PSMD1: variants seen among roughly 807,000 people sequenced by gnomAD.
PSMD1 encodes the protein proteasome 26S subunit, non-ATPase 1.
Under a neutral mutation model 119.0 loss-of-function variants are expected in PSMD1, and 18 were observed. The ratio of observed to expected loss-of-function variants is 0.15; its 90% CI spans 0.10 to 0.22. The LOEUF is 0.22. PSMD1 is among the 10% of genes least tolerant of loss of function. The pLI is 1.00. For synonymous variants in PSMD1, 374 were observed against 396.6 expected (o/e 0.94, Z 0.68); for missense variants, 702 against 1,158.5 (o/e 0.61, Z 5.72).
intron 4 of PSMD1, among the ~76,000 whole-genome samples, chr2:231,064,519 T>A (rs1693848579): frequency 6.6e-6 from 1 of 152,244 alleles, no homozygotes; most frequent in Non-Finnish European, 1.5e-5. Context: ...ATGTTCTAAT[T>A]TTGAGGTTCC....
chr2:231,153,787 T>G, intron 19 of PSMD1, 121 bp downstream of exon 19: 1 of 700,250 alleles, frequency 1.4e-6, no homozygotes, highest in Non-Finnish European at 2.3e-6. Context: ...CTGGAGAAAA[T>G]TTGGAGCCTG....
At chr2:231,100,833 A>G (rs1694846707) in intron 16 of PSMD1, among the ~76,000 whole-genome samples, 2 of 152,214 alleles carry the variant, frequency 1.3e-5, no homozygotes, top group Non-Finnish European at 2.9e-5. Context: ...AGCCTGAACA[A>G]TCCCCTCGAA....
At chr2:231,080,431 G>T in intron 12 of PSMD1, 117 bp downstream of exon 12, 9 of 834,786 alleles carry the variant, frequency 1.1e-5, no homozygotes, top group South Asian at 2.7e-5. Context: ...CAAAACAACT[G>T]TCATCTTGGA....
At chr2:231,085,211 C>A in intron 15 of PSMD1, 97 bp downstream of exon 15, 1 of 970,346 alleles carries the variant, frequency 1.0e-6, no homozygotes, top group Non-Finnish European at 1.7e-6. Flanking sequence ...AGCGCATGAC[C>A]ACCACCAGTG....
At chr2:231,108,579 C>T (rs1300743615) in intron 16 of PSMD1, 2 of 1,613,836 alleles carry the variant, frequency 1.2e-6, no homozygotes, top group South Asian at 1.1e-5. Context: ...AGAAGCGTAT[C>T]TAGTAGAATG....
chr2:231,069,145 G>C (rs1275853326), intron 5 of PSMD1, among the ~76,000 whole-genome samples: 1 of 150,476 alleles, frequency 6.6e-6, no homozygotes, highest in Non-Finnish European at 1.5e-5. Flanking sequence ...AGAACAAGCA[G>C]TCAAACAAAT....
At chr2:231,158,424 G>A (rs896209331) in intron 19 of PSMD1, among the ~76,000 whole-genome samples, 5 of 152,264 alleles carry the variant, frequency 3.3e-5, no homozygotes, top group South Asian at 4.1e-4. Context: ...AGTCTCTTCC[G>A]GGAGAAAAGC....
intron 19 of PSMD1, among the ~76,000 whole-genome samples, chr2:231,160,634 C>T (rs1238144578): frequency 2.0e-5 from 3 of 152,138 alleles, no homozygotes; most frequent in African/African-American, 7.2e-5. Context: ...AAAGTATATA[C>T]TAAAACTTTG....
At position 231,128,941 on chromosome 2, in the gene PSMD1, C is replaced by T. The variant is rs112158891; in HGVS notation, c.1884-9795C>T. On this transcript the variant is annotated intron_variant, in intron 16 of 24. Coordinates refer to ENST00000308696, the MANE Select transcript of PSMD1 (RefSeq NM_002807.4). The stretch of plus-strand genomic sequence containing the variant: ...ACAAAAGAATAAGATTTTTTTTTGT[C>T]ATCGAAACTCTAGAGTACAACCTGA... Among the ~76,000 whole-genome samples, 265 of 151,836 alleles carry T rather than the reference C, an allele frequency of 1.7e-3. 1 individual carries two copies. The highest frequency in any genetic ancestry group is 5.8e-3 in the African/African-American group (242 of 41,428).
intron 12 of PSMD1, 143 bp downstream of exon 12, chr2:231,080,457 T>C (rs1226252329): frequency 3.0e-6 from 2 of 672,792 alleles, no homozygotes; most frequent in Non-Finnish European, 4.8e-6. Flanking sequence ...TTTTTTTAGG[T>C]AATTTCATTT....
chr2:231,144,212 G>A (rs991834254), intron 17 of PSMD1, among the ~76,000 whole-genome samples: 4 of 150,844 alleles, frequency 2.7e-5, no homozygotes, highest in African/African-American at 9.7e-5. Context: ...GTGAGCCATC[G>A]CACCCAACCT....
chr2:231,094,515 CAG>C (rs1287107492), intron 16 of PSMD1, among the ~76,000 whole-genome samples: 2 of 151,684 alleles, frequency 1.3e-5, no homozygotes, highest in Non-Finnish European at 2.9e-5. Context: ...AATAAATAAA[CAG>C]AGTAAGCAGG....
chr2:231,079,650 AAAG>A, intron 11 of PSMD1, 36 bp downstream of exon 11: 4 of 1,349,212 alleles, frequency 3.0e-6, no homozygotes, highest in Non-Finnish European at 4.1e-6. Context: ...AGGCATCAGA[AAAG>A]AAGTAATTTT....
chr2:231,057,065 C>T (rs1693611062), intron 1 of PSMD1, 24 bp downstream of exon 1: 1 of 1,505,322 alleles, frequency 6.6e-7, no homozygotes, highest in Non-Finnish European at 8.9e-7. Flanking sequence ...GTAGCCAGCG[C>T]CTGGAGGGAG....
At chr2:231,098,298 A>C (rs1694772991) in intron 16 of PSMD1, among the ~76,000 whole-genome samples, 1 of 152,178 alleles carries the variant, frequency 6.6e-6, no homozygotes, top group South Asian at 2.1e-4. Context: ...GAAGACCTTC[A>C]ATTATCAATT....
chr2:231,172,104 A>G (rs978238534), intron 24 of PSMD1, among the ~76,000 whole-genome samples: 2 of 152,228 alleles, frequency 1.3e-5, no homozygotes, highest in African/African-American at 4.8e-5. Flanking sequence ...TTCTAAACTT[A>G]CTTTTGAAAA....
intron 1 of PSMD1, 31 bp from the exon 2 acceptor site, chr2:231,061,236 T>A: frequency 6.4e-7 from 1 of 1,550,766 alleles, no homozygotes; most frequent in South Asian, 1.2e-5. Context: ...AGAATGTGTT[T>A]CATAATCATG....
Position 231,066,972 on chromosome 2 carries a change from A to G in PSMD1, c.371A>G (p.Lys124Arg), listed in dbSNP as rs1334389068. 2 of 1,613,354 alleles carry G rather than the reference A, an allele frequency of 1.2e-6. No individual in the cohort carries two copies. Among genetic ancestry groups the G allele is most frequent in the Non-Finnish European group, 1.7e-6 (2 of 1,179,748 alleles). ...GCAGATTTGCCTGAAGGAGAAAAAA[A>G]ACCAATTGACCAGAGATTGGAAGGC... Reference protein sequence around the residue: ...ENADLPEGEKKPIDQRLEGIV... With the variant: ...ENADLPEGEKRPIDQRLEGIV... Residue 124 changes from lysine (K) to arginine (R), a missense_variant, in exon 5 of 25, where the codon AAA (lysine) becomes AGA (arginine). Transcript: ENST00000308696.
At chr2:231,114,612 T>A (rs1053213390) in intron 16 of PSMD1, among the ~76,000 whole-genome samples, 5 of 152,216 alleles carry the variant, frequency 3.3e-5, no homozygotes, top group African/African-American at 1.2e-4. Context: ...TACAGACTTT[T>A]GATTTGAAAA....
Sources: gnomAD v4.1 joint callset for allele counts (sites outside exome capture counted in the v4.1 genomes callset) on GRCh38, gnomAD v4.1.1 for gene constraint, MANE v1.5 for transcripts, NCBI Gene and HGNC (gene_info 2026-07-23, HGNC 2026-07-21) for gene names.